DYM: variants seen among roughly 807,000 people sequenced by gnomAD.
The protein encoded by DYM is dyggve-Melchior-Clausen syndrome protein.
DYM carries 78 observed loss-of-function variants against 93.1 expected under a neutral mutation model. That is an observed-to-expected ratio of 0.84 (90% confidence interval 0.70 to 1.01). The LOEUF (loss-of-function observed/expected upper bound fraction) is 1.01, where lower values mean the gene tolerates loss of function less well. Ranked by LOEUF, DYM falls within the 50% of genes least tolerant of loss-of-function variation. The pLI is 0.00. For synonymous variants in DYM, 321 were observed against 319.7 expected (o/e 1.00, Z -0.04); for missense variants, 789 against 845.0 (o/e 0.93, Z 0.82).
chr18:49,041,187 G>A lies in DYM; in HGVS notation c.*2868C>T, dbSNP rs2070902263. ...GATTGTATGACACCAGCCTCAACGG[G>A]TGACTGTGGGAACTAGAGTTAGAAA... On this transcript the variant is annotated 3_prime_UTR_variant, in exon 18 of 18. Transcript: ENST00000675505. 6.6e-6 allele frequency among the ~76,000 whole-genome samples: 1 copy of A among 152,206 alleles called. No homozygotes were observed. The highest frequency in any genetic ancestry group is 2.4e-5 in the African/African-American group (1 of 41,446).
At chr18:49,213,270 C>T (rs976424968) in intron 13 of DYM, among the ~76,000 whole-genome samples, 2 of 151,202 alleles carry the variant, frequency 1.3e-5, no homozygotes, top group African/African-American at 4.9e-5. Context: ...AAAATTATAA[C>T]ACATTTCCAT....
At chr18:49,227,778 T>C (rs535704249) in intron 13 of DYM, among the ~76,000 whole-genome samples, 1 of 152,280 alleles carries the variant, frequency 6.6e-6, no homozygotes, top group Admixed American at 6.5e-5. Context: ...CTGACTGCCA[T>C]AGTGACTGAG....
chr18:49,270,234 T>G (rs1568140937), intron 11 of DYM, among the ~76,000 whole-genome samples: 1 of 152,208 alleles, frequency 6.6e-6, no homozygotes, highest in Non-Finnish European at 1.5e-5. Flanking sequence ...CATGGTTGTA[T>G]AAACAAAGGA....
chr18:49,208,925 C>G (rs775216504), intron 14 of DYM: 3 of 152,172 alleles, frequency 2.0e-5, no homozygotes, highest in Non-Finnish European at 4.4e-5. Context: ...TTGATTTTCT[C>G]TGATATTCGA....
chr18:49,283,218 T>C (rs1188918055), intron 9 of DYM, among the ~76,000 whole-genome samples: 1 of 152,206 alleles, frequency 6.6e-6, no homozygotes, highest in Non-Finnish European at 1.5e-5. Flanking sequence ...ACTGAATTTA[T>C]ATTGTTTTTG....
chr18:49,336,720 A>G (rs757343260), intron 6 of DYM, among the ~76,000 whole-genome samples: 7 of 152,200 alleles, frequency 4.6e-5, no homozygotes, highest in Non-Finnish European at 8.8e-5. Flanking sequence ...CAACAAATAG[A>G]CAAGGCTCCT....
intron 10 of DYM, among the ~76,000 whole-genome samples, chr18:49,277,971 G>C (rs867458814): frequency 1.2e-4 from 18 of 152,312 alleles, no homozygotes; most frequent in African/African-American, 4.3e-4. Flanking sequence ...ATCAGGAGCT[G>C]CTGATGAGGA....
At chr18:49,085,581 G>A (rs1010313851) in intron 17 of DYM, among the ~76,000 whole-genome samples, 4 of 148,356 alleles carry the variant, frequency 2.7e-5, no homozygotes, top group African/African-American at 9.8e-5. Context: ...TCAAAATTGA[G>A]GCAGATGAAT....
chr18:49,113,896 C>T (rs925956280), intron 16 of DYM, among the ~76,000 whole-genome samples: 4 of 152,148 alleles, frequency 2.6e-5, no homozygotes, highest in Middle Eastern at 3.2e-3. Flanking sequence ...TGTTGGAAAA[C>T]CTGCTCATTT....
At chr18:49,168,759 A>G (rs6507886) in intron 14 of DYM, among the ~76,000 whole-genome samples, 151,501 of 152,242 alleles carry the variant, frequency 1, 75,390 homozygotes, top group Middle Eastern at 1. Flanking sequence ...TGAAGAGAGC[A>G]CTGTGGGAGA....
At chr18:49,111,649 C>T (rs547133843) in intron 16 of DYM, among the ~76,000 whole-genome samples, 1 of 152,260 alleles carries the variant, frequency 6.6e-6, no homozygotes, top group East Asian at 1.9e-4. Context: ...ATCTGAAGTG[C>T]CACAGGTTTT....
intron 16 of DYM, among the ~76,000 whole-genome samples, chr18:49,102,865 G>A (rs1212118789): frequency 6.6e-6 from 1 of 152,132 alleles, no homozygotes; most frequent in East Asian, 1.9e-4. Context: ...GAATAGTGCT[G>A]CAATAAACAC....
intron 1 of DYM, among the ~76,000 whole-genome samples, chr18:49,441,192 A>AT (rs2081496154): frequency 5.5e-5 from 2 of 36,632 alleles, no homozygotes; most frequent in Non-Finnish European, 9.1e-5. Context: ...TTTATATATA[A>AT]TATATTATAT....
At chr18:49,166,504 G>T (rs559448696) in intron 14 of DYM, among the ~76,000 whole-genome samples, 1 of 152,132 alleles carries the variant, frequency 6.6e-6, no homozygotes, top group Admixed American at 6.5e-5. Flanking sequence ...TGGATAAATT[G>T]CCTGAAGCAA....
intron 5 of DYM, among the ~76,000 whole-genome samples, chr18:49,370,850 T>C (rs1419413047): frequency 6.6e-6 from 1 of 152,238 alleles, no homozygotes; most frequent in Non-Finnish European, 1.5e-5. Flanking sequence ...CATCTAGTTC[T>C]TGGCTAAAAT....
intron 1 of DYM, among the ~76,000 whole-genome samples, chr18:49,432,599 ATTT>A (rs35279467): frequency 3.1e-5 from 4 of 129,584 alleles, no homozygotes; most frequent in Non-Finnish European, 3.1e-5. Flanking sequence ...CAGCATTAAA[ATTT>A]TTTTTTTTTT....
intron 5 of DYM, among the ~76,000 whole-genome samples, chr18:49,376,890 T>C (rs1302344969): frequency 6.6e-6 from 1 of 152,186 alleles, no homozygotes; most frequent in Admixed American, 6.5e-5. Context: ...AAATTCATAT[T>C]CTATTTCTCC....
At chr18:49,294,960 T>G (rs995840402) in intron 8 of DYM, among the ~76,000 whole-genome samples, 1 of 152,124 alleles carries the variant, frequency 6.6e-6, no homozygotes, top group Non-Finnish European at 1.5e-5. Context: ...AGATGTTCAG[T>G]CAACATCTAT....
intron 2 of DYM, among the ~76,000 whole-genome samples, chr18:49,395,114 A>T (rs118079841): frequency 0.027 from 4,084 of 152,298 alleles, 108 homozygotes; most frequent in Non-Finnish European, 0.038. Context: ...AAAAGCACAG[A>T]GAACAAAAGC....
Sources: allele counts gnomAD v4.1 joint callset (sites outside exome capture counted in the v4.1 genomes callset), GRCh38; gene constraint gnomAD v4.1.1; transcripts MANE v1.5; gene names NCBI Gene and HGNC (gene_info 2026-07-23, HGNC 2026-07-21).